The following RFX1 variants were observed in gnomAD, a reference collection of about 807,000 sequenced individuals.
The protein encoded by RFX1 is MHC class II regulatory factor RFX1.
In RFX1, 42 loss-of-function variants were observed where a neutral mutation model predicts 119.6. That is an observed-to-expected ratio of 0.35 (90% CI 0.27 to 0.45). The LOEUF is 0.45. Ranked by LOEUF, RFX1 falls within the 20% of genes least tolerant of loss-of-function variation. The pLI is 1.00. For missense variants in RFX1, 1,118 were observed against 1,368.1 expected (o/e 0.82, Z 2.88); for synonymous variants, 628 against 618.5 (o/e 1.02, Z -0.23).
chr19:13,985,798 C>T lies in RFX1; in HGVS notation c.320-2203G>A, dbSNP rs1195668222. 1.3e-5 allele frequency among the ~76,000 whole-genome samples: 2 copies of T among 152,118 alleles called. No individual in the cohort carries two copies. Reference sequence around the variant, plus strand: ...AGGCAGGGCACAGGAGGGAGAGGGGCCTGGACAGGGCAGGAGGGCTATTCA... The same window carrying T: ...AGGCAGGGCACAGGAGGGAGAGGGGTCTGGACAGGGCAGGAGGGCTATTCA... On this transcript the variant is annotated intron_variant, in intron 2 of 20. Transcript: ENST00000254325. The surrounding 1 kb of genome is among the most constrained non-coding windows in gnomAD (Gnocchi z 4.3).
intron 8 of RFX1, among the ~76,000 whole-genome samples, chr19:13,974,736 G>A (rs1599486820): frequency 6.6e-6 from 1 of 152,260 alleles, no homozygotes; most frequent in South Asian, 2.1e-4. Context: ...CTCTTTCAAT[G>A]TACTAGTGAT....
At chr19:13,996,880 C>G (rs566128581) in intron 1 of RFX1, among the ~76,000 whole-genome samples, 1 of 152,036 alleles carries the variant, frequency 6.6e-6, no homozygotes, top group African/African-American at 2.4e-5. Flanking sequence ...CCTACTACCA[C>G]ATCCAGCTAA....
In RFX1 at chr19:13,980,759, C is replaced by G; in HGVS notation, c.622-70G>C. The G allele has an allele frequency of 1.1e-6, 1 of 932,018 alleles. No homozygotes were observed. The highest frequency in any genetic ancestry group is 1.6e-5 in the South Asian group (1 of 64,330). The allele number at this position is 932,018 out of a possible 1,614,324, so 57.7% of individuals were successfully genotyped here. ...ATCCTCTCTGAGGTGGGCTCACACA[C>G]ACACCCTTCTCAGGAGAGCTGTCTG... On this transcript the variant is annotated intron_variant, in intron 5 of 20. Transcript: ENST00000254325. The surrounding 1 kb of genome is among the most constrained non-coding windows in gnomAD (Gnocchi z 5.1).
chr19:13,975,120 C>T (rs548477437), intron 8 of RFX1, among the ~76,000 whole-genome samples: 182 of 132,962 alleles, frequency 1.4e-3, no homozygotes, highest in African/African-American at 4.9e-3. Context: ...CTCTGGGAGG[C>T]CAAGGCGGGT....
In RFX1 at chr19:13,982,250, G is replaced by A. The variant is rs200975017; in HGVS notation, c.514-22C>T. The A allele has an allele frequency of 4.4e-5, 56 of 1,262,984 alleles. No homozygotes were observed. The Middle Eastern group carries it at 8.6e-4, about 19-fold the overall frequency. 78.2% of individuals were successfully genotyped at this position (1,262,984 alleles called of 1,614,324 possible). On this transcript the variant is annotated intron_variant, in intron 4 of 20. Coordinates refer to ENST00000254325, the MANE Select transcript of RFX1 (RefSeq NM_002918.5). ...GAGCCTGGGGCCAGGGAGGGAGAGGGAGGGCAGATCACTGATGACAGCCCG... is the reference window on the plus strand; with the variant it reads ...GAGCCTGGGGCCAGGGAGGGAGAGGAAGGGCAGATCACTGATGACAGCCCG...
rs746492553 is a variant in RFX1, at chr19:13,966,703, T to C, written c.1781A>G (p.Lys594Arg). The C allele has an allele frequency of 6.2e-6, 10 of 1,611,388 alleles. No homozygotes were observed. Among genetic ancestry groups the C allele is most frequent in the Non-Finnish European group, 8.5e-6 (10 of 1,179,034 alleles). Residue 594 changes from lysine to arginine, a missense_variant, in exon 13 of 21, where the codon AAG (lysine) becomes AGG (arginine). Lys to Arg is a conservative substitution (Grantham distance 26). Coordinates refer to ENST00000254325, the MANE Select transcript of RFX1 (RefSeq NM_002918.5). This position sits in a 1 kb window ranked among gnomAD's most constrained non-coding sequence, Gnocchi z 6.3. ...GGGCCCGACGCCCTCAGGCAGCACCTTGCCCTGGAGGTCGAGCTCTGTGAA... is the reference window on the plus strand; with the variant it reads ...GGGCCCGACGCCCTCAGGCAGCACCCTGCCCTGGAGGTCGAGCTCTGTGAA... Reference protein sequence around the residue: ...PDFTELDLQGKVLPEGVGPGD... With the variant: ...PDFTELDLQGRVLPEGVGPGD...
intron 8 of RFX1, 140 bp from the exon 9 acceptor site, chr19:13,973,267 T>G: frequency 1.5e-6 from 1 of 668,136 alleles, no homozygotes; most frequent in Non-Finnish European, 2.6e-6. Context: ...GATCCTAGCA[T>G]TCATCTACAA....
chr19:13,983,460 CA>C, intron 3 of RFX1, 25 bp downstream of exon 3: 2 of 1,547,118 alleles, frequency 1.3e-6, no homozygotes, highest in Admixed American at 1.8e-5. Context: ...GGCCCTCCCC[CA>C]CCCCCTGGGA....
At position 13,968,955 on chromosome 19, in the gene RFX1, G is replaced by A; in HGVS notation, c.1497-61C>T. ...GGTCTGCCGGCTGGCCGGCCATGGA[G>A]CACCTCACAGCACACCCGTCTCCTC... On this transcript the variant is annotated intron_variant, in intron 10 of 20. Coordinates refer to ENST00000254325, the MANE Select transcript of RFX1 (RefSeq NM_002918.5). This position sits in a 1 kb window ranked among gnomAD's most constrained non-coding sequence, Gnocchi z 5.5. The A allele has an allele frequency of 2.0e-6, 3 of 1,507,258 alleles. No homozygotes were observed. Among genetic ancestry groups the A allele is most frequent in the Non-Finnish European group, 2.7e-6 (3 of 1,122,794 alleles). The allele number at this position is 1,507,258 out of a possible 1,614,324, so 93.4% of individuals were successfully genotyped here. A position where few individuals can be genotyped will look rare whatever the true frequency, so the allele number is the denominator to read the frequency against.
rs199688398 is a variant in RFX1, at chr19:13,972,832, C to T, written c.1225G>A (p.Gly409Arg). The stretch of plus-strand genomic sequence containing the variant: ...CCTTGGATCACGTAGGTGCCTGCTC[C>T]GCTGCCGCCGCCTCCGGTGCTGCCA... ...GSGSTGGGGS[G>R]AGTYVIQGGY... Residue 409 changes from glycine to arginine, a missense_variant, in exon 9 of 21, where the codon GGA (glycine) becomes AGA (arginine). Physicochemically the swap from Gly to Arg is moderately radical, Grantham distance 125. Coordinates refer to ENST00000254325, the MANE Select transcript of RFX1 (RefSeq NM_002918.5). 7,933 of 1,592,764 alleles carry T rather than the reference C, an allele frequency of 5.0e-3. 23 individuals carry two copies. The highest frequency in any genetic ancestry group is 5.5e-3 in the Non-Finnish European group (6,478 of 1,171,582).
At chr19:13,999,406 T>C (rs1975137933) in intron 1 of RFX1, among the ~76,000 whole-genome samples, 2 of 152,220 alleles carry the variant, frequency 1.3e-5, no homozygotes, top group South Asian at 4.1e-4. Flanking sequence ...ACGTTATTAG[T>C]TTTGTGGCTA....
chr19:13,970,257 G>A (rs1974036616), intron 9 of RFX1, 82 bp from the exon 10 acceptor site: 9 of 1,273,162 alleles, frequency 7.1e-6, no homozygotes, highest in South Asian at 2.9e-5. Context: ...GCCCCACATC[G>A]ACTTCCAGCT....
Position 13,972,895 on chromosome 19 carries a change from CACCACCACT to C in RFX1, c.1153_1161del (p.Ser385_Gly387del). 1 of 1,579,290 alleles carries C rather than the reference CACCACCACT, an allele frequency of 6.3e-7. No individual in the cohort carries two copies. The highest frequency in any genetic ancestry group is 8.6e-7 in the Non-Finnish European group (1 of 1,169,396). ...CCACCGCCTCCCCCGCCGCCGCCGC[CACCACCACT>C]GCCACCACCTCCGCTGCTGTTGCTG... On this transcript the variant is annotated inframe_deletion, in exon 9 of 21. Transcript: ENST00000254325.
Position 13,965,882 on chromosome 19 carries a change from G to T in RFX1, c.1962-105C>A. 1 of 1,345,492 alleles carries T rather than the reference G, an allele frequency of 7.4e-7. No homozygotes were observed. The highest frequency in any genetic ancestry group is 1.3e-5 in the South Asian group (1 of 75,968). The allele number at this position is 1,345,492 out of a possible 1,614,324, so 83.3% of individuals were successfully genotyped here. A position where few individuals can be genotyped will look rare whatever the true frequency, so the allele number is the denominator to read the frequency against. ...CTGTCCCTGACCCAGGGTCACTGGG[G>T]TACTCTGTGGTTCTACCCCCAGCAT... On this transcript the variant is annotated intron_variant, in intron 14 of 20. Coordinates refer to ENST00000254325, the MANE Select transcript of RFX1 (RefSeq NM_002918.5). This position sits in a 1 kb window ranked among gnomAD's most constrained non-coding sequence, Gnocchi z 4.7.
In RFX1 at chr19:13,983,552, G is replaced by A. The variant is rs144231907; in HGVS notation, c.363C>T (p.Pro121=). ...CGCCGGTCTGGCTGGCGGTGGAGCC[G>A]GGGCTGGCCTCCGACACTGTCTCGC... The part of the protein sequence containing the change: ...RASETVSEAS[P]GSTASQTGVP... Residue 121 remains proline, a synonymous_variant, in exon 3 of 21, where the codon CCC becomes CCT. Coordinates refer to ENST00000254325, the MANE Select transcript of RFX1 (RefSeq NM_002918.5). 108 of 1,610,888 alleles carry A rather than the reference G, an allele frequency of 6.7e-5. 1 individual carries two copies. In the African/African-American group the frequency reaches 8.0e-4, roughly 12 times the overall value.
intron 2 of RFX1, among the ~76,000 whole-genome samples, chr19:13,992,237 G>A (rs904873644): frequency 3.3e-5 from 5 of 152,106 alleles, no homozygotes; most frequent in African/African-American, 1.2e-4. Context: ...CCAGGAGTTC[G>A]AGGTCAGTCT....
chr19:13,994,893 C>CATATATATAT (rs566150731), intron 1 of RFX1, among the ~76,000 whole-genome samples: 64 of 59,278 alleles, frequency 1.1e-3, no homozygotes, highest in East Asian at 2.7e-3. Context: ...AATATACATA[C>CATATATATAT]ATATATATAT....
At chr19:13,964,194 C>A in intron 16 of RFX1, 187 bp from the exon 17 acceptor site, 1 of 581,952 alleles carries the variant, frequency 1.7e-6, no homozygotes, top group East Asian at 3.0e-5. Flanking sequence ...CTCACAAGCG[C>A]CCCCCAAAAT....
At chr19:13,995,905 G>A (rs1021052290) in intron 1 of RFX1, among the ~76,000 whole-genome samples, 4 of 149,962 alleles carry the variant, frequency 2.7e-5, no homozygotes, top group Non-Finnish European at 4.4e-5. Flanking sequence ...GCGCGCACCT[G>A]TAATCCCAGC....
Sources: gnomAD v4.1 joint callset for allele counts (sites outside exome capture counted in the v4.1 genomes callset) on GRCh38, gnomAD v4.1.1 for gene constraint, Gnocchi (gnomAD v3.1) non-coding constraint, MANE v1.5 for transcripts, NCBI Gene and HGNC (gene_info 2026-07-23, HGNC 2026-07-21) for gene names.